Variants in NTRK2 observed in about 807,000 individuals in gnomAD.
NTRK2 encodes neurotrophic receptor tyrosine kinase 2.
Under a neutral mutation model 94.5 loss-of-function variants are expected in NTRK2, and 13 were observed. The ratio of observed to expected loss-of-function variants is 0.14; its 90% confidence interval spans 0.09 to 0.22. The LOEUF is 0.22. Among genes scored for constraint, NTRK2 ranks in the 10% least tolerant of loss-of-function variants. NTRK2 has a pLI of 1.00. For synonymous variants in NTRK2, 372 were observed against 407.4 expected, an observed-to-expected ratio of 0.91 and a Z score of 1.05; for missense variants, 639 against 1,071.2, an observed-to-expected ratio of 0.60 and a Z score of 5.63.
At chr9:84,907,020 T>G (rs1435156374) in intron 14 of NTRK2, among the ~76,000 whole-genome samples, 2 of 152,208 alleles carry the variant, frequency 1.3e-5, no homozygotes, top group African/African-American at 4.8e-5. Context: ...TGGGGAAATT[T>G]GTGTAAATTA....
chr9:84,909,284 A>G (rs1202758275), intron 14 of NTRK2, among the ~76,000 whole-genome samples: 2 of 152,190 alleles, frequency 1.3e-5, no homozygotes, highest in African/African-American at 4.8e-5. Context: ...GTCGTATTCC[A>G]TGGTATAAAT....
At position 84,931,429 on chromosome 9, in the gene NTRK2, A is replaced by G. The variant is rs528113871; in HGVS notation, c.1634-2733A>G. Among the ~76,000 whole-genome samples, 10 of 151,954 alleles carry G rather than the reference A, an allele frequency of 6.6e-5. No homozygotes were observed. In the East Asian group the frequency reaches 1.4e-3, roughly 21 times the overall value. On this transcript the variant is annotated intron_variant, in intron 14 of 18. Coordinates refer to ENST00000277120, the MANE Select transcript of NTRK2 (RefSeq NM_006180.6). ...CTCAAAAAAAAAAAGAGAGAGAGAG[A>G]GAGAGAGAGAAATTTATTCCATTTA...
intron 6 of NTRK2, among the ~76,000 whole-genome samples, chr9:84,711,623 A>G (rs1254078199): frequency 6.6e-6 from 1 of 152,242 alleles, no homozygotes; most frequent in Non-Finnish European, 1.5e-5. Context: ...CACAGCAGAA[A>G]GCCATGTAGC....
chr9:84,980,652 C>A (rs1827474947), intron 17 of NTRK2, among the ~76,000 whole-genome samples: 1 of 152,206 alleles, frequency 6.6e-6, no homozygotes, highest in Non-Finnish European at 1.5e-5. Context: ...CTCTGACTTT[C>A]TATTAGTTCC....
intron 6 of NTRK2, among the ~76,000 whole-genome samples, chr9:84,711,052 C>A (rs1247987057): frequency 6.6e-6 from 1 of 152,128 alleles, no homozygotes; most frequent in African/African-American, 2.4e-5. Context: ...CTTATTTGTT[C>A]ATATTTGTTT....
chr9:84,957,512 C>T (rs957529586), intron 17 of NTRK2, among the ~76,000 whole-genome samples: 3 of 152,158 alleles, frequency 2.0e-5, no homozygotes, highest in African/African-American at 4.8e-5. Flanking sequence ...AGATGGGTGA[C>T]ATCATTAGTC....
At chr9:84,931,624 A>G (rs2078033181) in intron 14 of NTRK2, among the ~76,000 whole-genome samples, 1 of 151,484 alleles carries the variant, frequency 6.6e-6, no homozygotes, top group South Asian at 2.1e-4. Flanking sequence ...TTTGGAAATA[A>G]TGAAATTGTG....
At chr9:84,829,358 T>A (rs1050938145) in intron 12 of NTRK2, among the ~76,000 whole-genome samples, 1 of 150,830 alleles carries the variant, frequency 6.6e-6, no homozygotes, top group Non-Finnish European at 1.5e-5. Flanking sequence ...TCATATGAAT[T>A]TTGTTTGTTT....
At chr9:84,973,806 G>A (rs1826475861) in intron 17 of NTRK2, among the ~76,000 whole-genome samples, 1 of 152,106 alleles carries the variant, frequency 6.6e-6, no homozygotes, top group Admixed American at 6.5e-5. Context: ...CAGGTTCACT[G>A]AATTAAACCA....
chr9:84,948,273 G>A (rs11792856), intron 15 of NTRK2, among the ~76,000 whole-genome samples, 189 bp from the exon 16 acceptor site: 2,774 of 152,312 alleles, frequency 0.018, 38 homozygotes, highest in Non-Finnish European at 0.029. Flanking sequence ...CTCTGTGAAA[G>A]TGTGTCATAA....
chr9:84,814,348 A>C, intron 12 of NTRK2: 1 of 1,065,568 alleles, frequency 9.4e-7, no homozygotes, highest in Non-Finnish European at 1.1e-6. Flanking sequence ...ACAGAAAACC[A>C]GTTTCACGCC....
intron 12 of NTRK2, among the ~76,000 whole-genome samples, chr9:84,792,596 C>A (rs2068842205): frequency 6.6e-6 from 1 of 152,194 alleles, no homozygotes; most frequent in Non-Finnish European, 1.5e-5. Context: ...ATGAACTTGT[C>A]ATTTCTGTAA....
chr9:85,005,228 A>G (rs182718254), intron 17 of NTRK2, among the ~76,000 whole-genome samples: 35 of 152,334 alleles, frequency 2.3e-4, no homozygotes, highest in African/African-American at 8.4e-4. Context: ...CTCAGAAAAC[A>G]TGGCTGATGA....
At chr9:84,678,780 CTT>C (rs1421881334) in intron 2 of NTRK2, among the ~76,000 whole-genome samples, 1 of 152,214 alleles carries the variant, frequency 6.6e-6, no homozygotes, top group East Asian at 1.9e-4. Context: ...CCAGAACACT[CTT>C]TTTAGTTTAC....
intron 17 of NTRK2, among the ~76,000 whole-genome samples, chr9:84,963,556 G>C (rs1395302033): frequency 6.6e-6 from 1 of 152,202 alleles, no homozygotes; most frequent in Admixed American, 6.5e-5. Context: ...TGGGCAATTT[G>C]ATTATGATAT....
chr9:84,934,142 A>T lies in NTRK2; in HGVS notation c.1634-20A>T, dbSNP rs761362019. On this transcript the variant is annotated intron_variant, in intron 14 of 18. Coordinates refer to ENST00000277120, the MANE Select transcript of NTRK2 (RefSeq NM_006180.6). ...TCCACATGCTTCAATTCCAATTTCC[A>T]TTCTGTCTTTGTTTTGCAGTTGTTC... 1 of 1,613,464 alleles carries T rather than the reference A, an allele frequency of 6.2e-7. No individual in the cohort carries two copies. Among genetic ancestry groups the T allele is most frequent in the South Asian group, 1.1e-5 (1 of 91,054 alleles).
At chr9:84,684,968 T>G (rs1396406009) in intron 2 of NTRK2, among the ~76,000 whole-genome samples, 2 of 152,126 alleles carry the variant, frequency 1.3e-5, no homozygotes, top group Non-Finnish European at 2.9e-5. Flanking sequence ...CAGAATTAAG[T>G]TTTTTTCTAG....
chr9:84,754,418 T>C (rs140185871), intron 12 of NTRK2, among the ~76,000 whole-genome samples: 40 of 152,236 alleles, frequency 2.6e-4, no homozygotes, highest in African/African-American at 7.7e-4. Flanking sequence ...AGATGTCGAG[T>C]TGATAAATCT....
At chr9:84,745,183 G>A in intron 11 of NTRK2, 110 bp downstream of exon 11, 2 of 694,518 alleles carry the variant, frequency 2.9e-6, no homozygotes, top group South Asian at 1.5e-5. Flanking sequence ...GATATAAATA[G>A]GGTGTTAACA....
Sources: allele counts gnomAD v4.1 joint callset (sites outside exome capture counted in the v4.1 genomes callset), GRCh38; gene constraint gnomAD v4.1.1; transcripts MANE v1.5; gene names NCBI Gene and HGNC (gene_info 2026-07-23, HGNC 2026-07-21).